CCDC178: variants seen among roughly 807,000 people sequenced by gnomAD.
The protein encoded by CCDC178 is coiled-coil domain-containing protein 178.
In CCDC178, 126 loss-of-function variants were observed where a neutral mutation model predicts 117.4. The ratio of observed to expected loss-of-function variants is 1.07; its 90% confidence interval spans 0.93 to 1.24. The LOEUF (loss-of-function observed/expected upper bound fraction) is 1.24. CCDC178 is among the 50% of genes most tolerant of loss of function. The pLI is 0.00. For missense variants in CCDC178, 1,030 were observed against 986.9 expected, an observed-to-expected ratio of 1.04 and a Z score of -0.59; for synonymous variants, 283 against 313.4, an observed-to-expected ratio of 0.90 and a Z score of 1.02.
chr18:33,316,236 G>C (rs528380097), intron 11 of CCDC178, among the ~76,000 whole-genome samples: 12 of 152,286 alleles, frequency 7.9e-5, no homozygotes, highest in Admixed American at 6.5e-4. Flanking sequence ...AGGGAGAGGC[G>C]CCGGCGGGAA....
chr18:33,074,278 C>G (rs2057164970), intron 21 of CCDC178, among the ~76,000 whole-genome samples: 1 of 152,004 alleles, frequency 6.6e-6, no homozygotes. Flanking sequence ...TATTCACAAA[C>G]TGAACACAGA....
chr18:33,346,313 C>T lies in CCDC178; in HGVS notation c.556G>A (p.Glu186Lys), dbSNP rs1363510971. The change falls in exon 9 of 23, where the codon GAA becomes AAA. Residue 186 changes from glutamate (E) to lysine (K), a missense_variant. Glu to Lys is a moderately conservative substitution (Grantham distance 56). Transcript: ENST00000383096. ...CTTGATCTCTGTTGTTTTAAAGCTT[C>T]TTCAGCGTCTGCCCGGTCAGTTTCT... ...SLETDRADAE[E>K]ALKQQRSRKN... The T allele has an allele frequency of 2.5e-6, 4 of 1,613,464 alleles. No homozygotes were observed. The highest frequency in any genetic ancestry group is 1.7e-5 in the Admixed American group (1 of 59,978).
intron 21 of CCDC178, among the ~76,000 whole-genome samples, chr18:33,057,782 C>A (rs1639850293): frequency 6.6e-6 from 1 of 152,106 alleles, no homozygotes; most frequent in Non-Finnish European, 1.5e-5. Context: ...GTGTGAGACA[C>A]CACGTCCAGC....
At chr18:33,422,581 G>A (rs1361183641) in intron 2 of CCDC178, among the ~76,000 whole-genome samples, 2 of 152,132 alleles carry the variant, frequency 1.3e-5, no homozygotes, top group African/African-American at 2.4e-5. Flanking sequence ...GATCACTTCC[G>A]ATCCCTTGAA....
chr18:33,421,869 C>T lies in CCDC178; in HGVS notation c.-22-9759G>A, dbSNP rs535389653. Among the ~76,000 whole-genome samples, 7 of 152,296 alleles carry T rather than the reference C, an allele frequency of 4.6e-5. No individual in the cohort carries two copies. In the South Asian group the frequency reaches 8.3e-4, roughly 18 times the overall value. On this transcript the variant is annotated intron_variant, in intron 2 of 22. Coordinates refer to ENST00000383096, the MANE Select transcript of CCDC178 (RefSeq NM_001105528.4). ...TACTATTTTGTCTAAAAAGTTTACA[C>T]ATCAATTGTTTCAAAACTTGTGTCT...
chr18:33,194,101 A>G (rs1188527596), intron 20 of CCDC178, among the ~76,000 whole-genome samples: 1 of 152,242 alleles, frequency 6.6e-6, no homozygotes, highest in African/African-American at 2.4e-5. Context: ...TTAAATTTCA[A>G]CATGAGTTTT....
chr18:33,439,527 A>T (rs2064347741), intron 2 of CCDC178, among the ~76,000 whole-genome samples: 1 of 152,252 alleles, frequency 6.6e-6, no homozygotes, highest in Admixed American at 6.5e-5. Context: ...AGATAGAAAT[A>T]CACTAGTTTC....
At chr18:32,998,697 TCA>T (rs895451054) in intron 21 of CCDC178, among the ~76,000 whole-genome samples, 1 of 152,040 alleles carries the variant, frequency 6.6e-6, no homozygotes, top group Non-Finnish European at 1.5e-5. Flanking sequence ...CCAGACTAGC[TCA>T]CAGATGATAA....
intron 3 of CCDC178, among the ~76,000 whole-genome samples, chr18:33,411,584 AATAGAATTAT>A (rs2063855250): frequency 6.6e-6 from 1 of 151,990 alleles, no homozygotes; most frequent in East Asian, 1.9e-4. Context: ...TAATTTTAAA[AATAGAATTAT>A]ATTAGTATTT....
At chr18:33,012,823 T>C (rs1358455195) in intron 21 of CCDC178, among the ~76,000 whole-genome samples, 1 of 152,130 alleles carries the variant, frequency 6.6e-6, no homozygotes, top group South Asian at 2.1e-4. Context: ...CTTTAGCAAA[T>C]AGGAATAAAA....
chr18:33,140,222 T>G (rs2058184159), intron 20 of CCDC178, among the ~76,000 whole-genome samples: 1 of 152,086 alleles, frequency 6.6e-6, no homozygotes, highest in Non-Finnish European at 1.5e-5. Flanking sequence ...GCTAGAGCAG[T>G]GCAGAAGGGA....
chr18:33,217,951 T>C (rs2059186362), intron 18 of CCDC178, among the ~76,000 whole-genome samples: 1 of 152,090 alleles, frequency 6.6e-6, no homozygotes, highest in South Asian at 2.1e-4. Context: ...ATAGAGGTAA[T>C]AGCACACTCT....
chr18:33,070,261 A>C (rs1381963516), intron 21 of CCDC178, among the ~76,000 whole-genome samples: 1 of 152,124 alleles, frequency 6.6e-6, no homozygotes, highest in Non-Finnish European at 1.5e-5. Flanking sequence ...AATAGCCAAG[A>C]CATGGAATCA....
At chr18:33,058,556 C>T (rs528087621) in intron 21 of CCDC178, among the ~76,000 whole-genome samples, 1 of 152,200 alleles carries the variant, frequency 6.6e-6, no homozygotes, top group South Asian at 2.1e-4. Context: ...AAAGGCACAG[C>T]CATGTAGAGA....
intron 11 of CCDC178, among the ~76,000 whole-genome samples, chr18:33,305,406 C>G (rs1345288473): frequency 2.6e-5 from 4 of 152,068 alleles, no homozygotes. Context: ...GGGTTGTGCA[C>G]AGGGATGCCT....
At chr18:33,333,146 T>C in intron 10 of CCDC178, 28 bp downstream of exon 10, 2 of 1,349,940 alleles carry the variant, frequency 1.5e-6, no homozygotes, top group Non-Finnish European at 2.1e-6. Context: ...TAATAATTTA[T>C]GAAATGCTCA....
chr18:33,400,406 A>C (rs1290642606), intron 3 of CCDC178, among the ~76,000 whole-genome samples: 1 of 152,176 alleles, frequency 6.6e-6, no homozygotes, highest in Non-Finnish European at 1.5e-5. Flanking sequence ...TGTTTTGCCT[A>C]CATTGAAAAT....
At chr18:33,344,259 G>A (rs916748834) in intron 9 of CCDC178, among the ~76,000 whole-genome samples, 35 of 139,494 alleles carry the variant, frequency 2.5e-4, no homozygotes, top group African/African-American at 7.9e-4. Flanking sequence ...AGCCGAGATT[G>A]CGCCACTGCA....
At chr18:33,113,504 A>T (rs771488444) in intron 20 of CCDC178, among the ~76,000 whole-genome samples, 2 of 151,978 alleles carry the variant, frequency 1.3e-5, no homozygotes. Context: ...CTACTAGATG[A>T]AATTCATTAT....
Sources: allele counts gnomAD v4.1 joint callset (sites outside exome capture counted in the v4.1 genomes callset), GRCh38; gene constraint gnomAD v4.1.1; transcripts MANE v1.5; gene names NCBI Gene and HGNC (gene_info 2026-07-23, HGNC 2026-07-21).